Variants in SEC16A observed in about 807,000 individuals in gnomAD.
SEC16A encodes protein transport protein Sec16A.
A neutral mutation model predicts 221.9 loss-of-function variants in SEC16A; 110 were observed. The observed-to-expected ratio is 0.50, with a 90% CI of 0.42 to 0.58. SEC16A has a LOEUF of 0.58. Ranked by LOEUF, SEC16A falls within the 20% of genes least tolerant of loss-of-function variation. The pLI, the probability that SEC16A is intolerant of heterozygous loss-of-function variation, is 0.00. For synonymous variants in SEC16A, 1,393 were observed against 1,257.7 expected (o/e 1.11, Z -2.28); for missense variants, 3,165 against 3,097.8 (o/e 1.02, Z -0.52).
At chr9:136,483,240 G>C (rs886743791), upstream of SEC16A, among the ~76,000 whole-genome samples, 14 of 16,018 alleles carry the variant, frequency 8.7e-4, no homozygotes, top group Admixed American at 3.2e-3. Context: ...CTCTGCCCCC[G>C]CCCCTCGCCG....
rs116367703 is a variant in SEC16A at position 136,445,496 on chromosome 9, T to G, written c.6867+149A>C. The G allele has an allele frequency of 2.6e-3, 1,741 of 661,510 alleles. 11 individuals carry two copies. The African/African-American group carries it at 0.027, about 10-fold the overall frequency. 41.0% of individuals were successfully genotyped at this position (661,510 alleles called of 1,614,324 possible). ...TTGTTAAAACAAGTGCAATTTTTTT[T>G]CCCCCAGGAACACCACCTTCGAGGT... On this transcript the variant is annotated intron_variant, in intron 29 of 31. Transcript: ENST00000684901.
intron 31 of SEC16A, among the ~76,000 whole-genome samples, 199 bp from the exon 32 acceptor site, chr9:136,442,022 C>G (rs1836257511): frequency 6.6e-6 from 1 of 152,210 alleles, no homozygotes; most frequent in African/African-American, 2.4e-5. Flanking sequence ...CTTGAAAGCA[C>G]TGTATCCTTA....
chr9:136,455,291 C>T (rs1838468653), intron 20 of SEC16A, among the ~76,000 whole-genome samples: 1 of 152,136 alleles, frequency 6.6e-6, no homozygotes, highest in African/African-American at 2.4e-5. Context: ...CACGGTGCGG[C>T]TGAGGCTCCC....
rs1431181898 is a variant in SEC16A at position 136,477,611 on chromosome 9, T to C, written c.5A>G (p.Gln2Arg). Residue 2 changes from glutamine (Q) to arginine (R), a missense_variant, in exon 3 of 32, where the codon CAG becomes CGG. Transcript: ENST00000684901. M[Q>R]PPPQTVPSGM... ...AGACGGGACCGTCTGGGGCGGTGGC[T>C]GCATGACTGAACCCTTGCACAAGTC... 1.2e-5 allele frequency: 20 copies of C among 1,605,130 alleles called. No homozygotes were observed. The highest frequency in any genetic ancestry group is 3.4e-5 in the Admixed American group (2 of 59,486).
Position 136,441,608 on chromosome 9 carries a change from G to A in SEC16A, c.*147C>T, listed in dbSNP as rs1236973636. ...TTCAAAATAATTCATTACGATGGGCGGTGAGGAGGGAGGCACAGTGTGCGA... is the reference window on the plus strand; with the variant it reads ...TTCAAAATAATTCATTACGATGGGCAGTGAGGAGGGAGGCACAGTGTGCGA... On this transcript the variant is annotated 3_prime_UTR_variant, in exon 32 of 32. Coordinates refer to ENST00000684901, the MANE Select transcript of SEC16A (RefSeq NM_014866.2). The A allele has an allele frequency of 3.2e-6, 2 of 634,664 alleles. No homozygotes were observed. Among genetic ancestry groups the A allele is most frequent in the East Asian group, 2.7e-5 (1 of 36,430 alleles). The allele number at this position is 634,664 out of a possible 1,614,324, so 39.3% of individuals were successfully genotyped here. A position where few individuals can be genotyped will look rare whatever the true frequency, so the allele number is the denominator to read the frequency against.
rs1836171640 is a variant in SEC16A, at chr9:136,441,419, A to G, written c.*336T>C. 3.1e-6 allele frequency: 1 copy of G among 325,802 alleles called. No individual in the cohort carries two copies. The highest frequency in any genetic ancestry group is 6.0e-6 in the Non-Finnish European group (1 of 165,856). The allele number at this position is 325,802 out of a possible 1,614,324, so 20.2% of individuals were successfully genotyped here. A position where few individuals can be genotyped will look rare whatever the true frequency, so the allele number is the denominator to read the frequency against. On this transcript the variant is annotated 3_prime_UTR_variant, in exon 32 of 32. Transcript: ENST00000684901. Reference sequence around the variant, plus strand: ...ACCATGTGGCTCTCCTGTGGCAGAGACAGCTCCGGCTTCAATGAATGAACA... The same window carrying G: ...ACCATGTGGCTCTCCTGTGGCAGAGGCAGCTCCGGCTTCAATGAATGAACA...
At chr9:136,483,572 C>T (rs959432423), upstream of SEC16A, 15 of 985,296 alleles carry the variant, frequency 1.5e-5, no homozygotes, top group Non-Finnish European at 1.8e-5. Flanking sequence ...CAGTACGTCG[C>T]CCTGTTTACG....
In SEC16A at chr9:136,475,182, C is replaced by T. The variant is rs2132883616; in HGVS notation, c.2434G>A (p.Ala812Thr). 1 of 1,613,822 alleles carries T rather than the reference C, an allele frequency of 6.2e-7. No individual in the cohort carries two copies. The change falls in exon 3 of 32, where the codon GCA (alanine) becomes ACA (threonine). Residue 812 changes from alanine to threonine, a missense_variant. By Grantham distance (58) the Ala-to-Thr change is moderately conservative. Transcript: ENST00000684901. This position sits in a 1 kb window ranked among gnomAD's most constrained non-coding sequence, Gnocchi z 5.0. ...GTGGGCGGTGAGGATAATAAACTTG[C>T]ATAACCAGAACTCGCCTGGGACTGA... is the stretch of plus-strand genomic sequence containing the variant. ...ALQSQASSGY[A>T]SLLSSPPTES...
chr9:136,445,943 A>G (rs796726677), intron 28 of SEC16A, among the ~76,000 whole-genome samples: 7 of 152,278 alleles, frequency 4.6e-5, no homozygotes, highest in African/African-American at 1.7e-4. Context: ...GTGTGTGCCC[A>G]TGACAGGCTT....
At chr9:136,482,418 G>GT (rs1842498336) in intron 1 of SEC16A, among the ~76,000 whole-genome samples, 1 of 152,174 alleles carries the variant, frequency 6.6e-6, no homozygotes, top group Non-Finnish European at 1.5e-5. Context: ...AGGCTCTACT[G>GT]TAACACTTCC....
intron 31 of SEC16A, among the ~76,000 whole-genome samples, chr9:136,442,921 A>C (rs1772355503): frequency 6.6e-6 from 1 of 152,258 alleles, no homozygotes; most frequent in Non-Finnish European, 1.5e-5. Context: ...AAAAGAAATA[A>C]AAAACATACA....
intron 1 of SEC16A, among the ~76,000 whole-genome samples, chr9:136,482,002 A>C (rs1019624046): frequency 2.0e-5 from 3 of 152,170 alleles, no homozygotes; most frequent in African/African-American, 7.2e-5. Flanking sequence ...AAGAAAAAGA[A>C]AAAAAAAGTG....
intron 23 of SEC16A, chr9:136,448,419 G>T: frequency 1.4e-6 from 1 of 693,422 alleles, no homozygotes; most frequent in African/African-American, 2.2e-5. Context: ...TGGAGGTGGG[G>T]GGCGATCCAC....
chr9:136,475,326 C>G lies in SEC16A; in HGVS notation c.2290G>C (p.Ala764Pro). 6.2e-7 allele frequency: 1 copy of G among 1,612,672 alleles called. No individual in the cohort carries two copies. The highest frequency in any genetic ancestry group is 8.5e-7 in the Non-Finnish European group (1 of 1,179,098). Residue 764 changes from alanine (A) to proline (P), a missense_variant, in exon 3 of 32, where the codon GCG becomes CCG. Physicochemically the swap from Ala to Pro is conservative, Grantham distance 27 (BLOSUM62 -1). This residue lies in a region of SEC16A where 2,030 missense variants were observed against 1,923.1 expected (regional missense o/e 1.06). Transcript: ENST00000684901. This position sits in a 1 kb window ranked among gnomAD's most constrained non-coding sequence, Gnocchi z 5.0. ...TTCCGTGACTGCTGCCCGGACATCG[C>G]CTCTTCTGGAGGCTGAACAACAGGT... ...QPPVVQPPEEAMSGQQSRNPS... is the reference protein window; with the variant it reads ...QPPVVQPPEEPMSGQQSRNPS...
chr9:136,459,705 C>T lies in SEC16A; in HGVS notation c.5191+52G>A. The T allele has an allele frequency of 6.8e-7, 1 of 1,474,318 alleles. No individual in the cohort carries two copies. Among genetic ancestry groups the T allele is most frequent in the Non-Finnish European group, 9.3e-7 (1 of 1,077,134 alleles). 91.3% of individuals were successfully genotyped at this position (1,474,318 alleles called of 1,614,324 possible). On this transcript the variant is annotated intron_variant, in intron 15 of 31. Coordinates refer to ENST00000684901, the MANE Select transcript of SEC16A (RefSeq NM_014866.2). The surrounding 1 kb of genome is among the most constrained non-coding windows in gnomAD (Gnocchi z 6.1). ...TCTGCCAACGCCACAGACAACCGGG[C>T]CTTCGGCGCTCCATCCGCGACACCC...
chr9:136,479,987 G>A (rs1175379617), intron 1 of SEC16A, among the ~76,000 whole-genome samples: 1 of 148,242 alleles, frequency 6.7e-6, no homozygotes, highest in African/African-American at 2.5e-5. Context: ...GGGCGACAGA[G>A]TGAAACTGTC....
In SEC16A at chr9:136,475,061, G is replaced by A; in HGVS notation, c.2555C>T (p.Ser852Phe). The change falls in exon 3 of 32, where the codon TCT (serine) becomes TTT (phenylalanine). Residue 852 changes from serine (S) to phenylalanine (F), a missense_variant. Physicochemically the swap from Ser to Phe is radical, Grantham distance 155 (BLOSUM62 -2). Transcript: ENST00000684901. The surrounding 1 kb of genome is among the most constrained non-coding windows in gnomAD (Gnocchi z 5.0). ...PINFSVSLSNSHEKNQSWREA... is the reference protein window; with the variant it reads ...PINFSVSLSNFHEKNQSWREA... ...TCTCCAGGACTGATTCTTCTCATGAGAGTTCGATAAGGACACAGAAAAGTT... is the reference window on the plus strand; with the variant it reads ...TCTCCAGGACTGATTCTTCTCATGAAAGTTCGATAAGGACACAGAAAAGTT... The A allele has an allele frequency of 6.2e-7, 1 of 1,613,726 alleles. No individual in the cohort carries two copies. Among genetic ancestry groups the A allele is most frequent in the Non-Finnish European group, 8.5e-7 (1 of 1,179,852 alleles).
chr9:136,450,984 G>A (rs761947943), intron 23 of SEC16A, among the ~76,000 whole-genome samples: 1 of 152,192 alleles, frequency 6.6e-6, no homozygotes, highest in Non-Finnish European at 1.5e-5. Flanking sequence ...CTGCCGTCTG[G>A]TCCCTTGCGG....
chr9:136,476,727 CAG>C lies in SEC16A; in HGVS notation c.887_888del (p.Ser296Ter). The C allele has an allele frequency of 1.2e-6, 2 of 1,601,340 alleles. No homozygotes were observed. The highest frequency in any genetic ancestry group is 1.7e-6 in the Non-Finnish European group (2 of 1,172,284). The stretch of plus-strand genomic sequence containing the variant: ...TTTTGCCTGAATGTACTTTCAGGAT[CAG>C]AGTTATTGGCCAGGTGGCTTCCACT... ...LQSGSHLANN[S>X]DPESTFRQNP... On this transcript the variant is annotated frameshift_variant, in exon 3 of 32. Transcript: ENST00000684901. LOFTEE classifies it high-confidence loss of function.
Sources: gnomAD v4.1 joint callset for allele counts (sites outside exome capture counted in the v4.1 genomes callset) on GRCh38, gnomAD v4.1.1 for gene constraint, gnomAD v4.1.1 regional missense constraint, Gnocchi (gnomAD v3.1) non-coding constraint, MANE v1.5 for transcripts, NCBI Gene and HGNC (gene_info 2026-07-23, HGNC 2026-07-21) for gene names.